Variants in ADGRB3 observed in about 807,000 individuals in gnomAD.
ADGRB3 encodes brain-specific angiogenesis inhibitor 3.
In ADGRB3, 37 loss-of-function variants were observed where a neutral mutation model predicts 193.4. That is an observed-to-expected ratio of 0.19 (90% CI 0.15 to 0.25). ADGRB3 has a LOEUF of 0.25. Among genes scored for constraint, ADGRB3 ranks in the 10% least tolerant of loss-of-function variants. ADGRB3 has a pLI of 1.00. For missense variants in ADGRB3, 1,637 were observed against 1,852.9 expected (o/e 0.88, Z 2.14); for synonymous variants, 690 against 644.2 (o/e 1.07, Z -1.08).
chr6:68,799,161 CA>C (rs370066935), intron 3 of ADGRB3, among the ~76,000 whole-genome samples: 94 of 151,004 alleles, frequency 6.2e-4, no homozygotes, highest in East Asian at 4.8e-3. Context: ...GAAATAAGTA[CA>C]AAAAAAAGAT....
Position 69,131,328 on chromosome 6 carries a change from A to G in ADGRB3, c.2480+55290A>G, listed in dbSNP as rs1774002154. Among the ~76,000 whole-genome samples, 3 of 152,092 alleles carry G rather than the reference A, an allele frequency of 2.0e-5. No homozygotes were observed. In the East Asian group the frequency reaches 5.8e-4, roughly 29 times the overall value. ...ATTGAAGAAAGTAACTTAGGTTTGA[A>G]TACAAGTCCATGGTATGTAATTTCA... On this transcript the variant is annotated intron_variant, in intron 17 of 31. Transcript: ENST00000370598.
At chr6:68,860,836 G>A (rs1765130993) in intron 3 of ADGRB3, among the ~76,000 whole-genome samples, 1 of 151,958 alleles carries the variant, frequency 6.6e-6, no homozygotes, top group Non-Finnish European at 1.5e-5. Context: ...CAAAGAACTT[G>A]TACTGATATA....
chr6:69,208,693 C>G (rs184498232), intron 17 of ADGRB3, among the ~76,000 whole-genome samples: 3 of 152,272 alleles, frequency 2.0e-5, no homozygotes, highest in Admixed American at 1.3e-4. Context: ...TCAGTGCAGG[C>G]GAGGGGAGAG....
At chr6:68,662,936 A>G (rs1768702610) in intron 3 of ADGRB3, among the ~76,000 whole-genome samples, 1 of 150,696 alleles carries the variant, frequency 6.6e-6, no homozygotes, top group Non-Finnish European at 1.5e-5. Context: ...ATTATAATAT[A>G]TAGTATAAGT....
chr6:69,041,462 A>G (rs1388329947), intron 13 of ADGRB3, among the ~76,000 whole-genome samples: 1 of 152,180 alleles, frequency 6.6e-6, no homozygotes, highest in East Asian at 1.9e-4. Context: ...TCTTTTATAC[A>G]TAGTAGAAAA....
chr6:69,208,353 C>A (rs1765582751), intron 17 of ADGRB3, among the ~76,000 whole-genome samples: 1 of 152,226 alleles, frequency 6.6e-6, no homozygotes, highest in African/African-American at 2.4e-5. Context: ...CCCCAAATTT[C>A]TTTGTCACCA....
intron 17 of ADGRB3, among the ~76,000 whole-genome samples, chr6:69,081,568 T>A (rs1315246587): frequency 2.0e-5 from 3 of 151,974 alleles, no homozygotes. Context: ...CTTTTCTGTT[T>A]ATACTATACA....
chr6:69,132,841 T>C (rs1774048151), intron 17 of ADGRB3, among the ~76,000 whole-genome samples: 1 of 152,200 alleles, frequency 6.6e-6, no homozygotes, highest in African/African-American at 2.4e-5. Flanking sequence ...GTTTTCTGCA[T>C]ATGGCTAGCC....
chr6:68,697,205 A>T (rs922627299), intron 3 of ADGRB3, among the ~76,000 whole-genome samples: 8 of 152,024 alleles, frequency 5.3e-5, no homozygotes, highest in Admixed American at 2.6e-4. Flanking sequence ...TTGTTGACAA[A>T]AGCAAATTTC....
At chr6:69,217,684 T>G (rs970632241) in intron 17 of ADGRB3, among the ~76,000 whole-genome samples, 2 of 152,052 alleles carry the variant, frequency 1.3e-5, no homozygotes, top group Non-Finnish European at 2.9e-5. Context: ...CCATGGGAGA[T>G]TAATAATTTG....
At chr6:68,815,635 GTGT>G (rs1562041521) in intron 3 of ADGRB3, among the ~76,000 whole-genome samples, 26 of 146,936 alleles carry the variant, frequency 1.8e-4, no homozygotes, top group African/African-American at 6.3e-4. Context: ...GTGTGTGTGT[GTGT>G]GTGCATGTAG....
intron 10 of ADGRB3, among the ~76,000 whole-genome samples, chr6:68,989,312 AAG>A (rs1769167964): frequency 6.6e-6 from 1 of 152,166 alleles, no homozygotes; most frequent in East Asian, 1.9e-4. Context: ...TAAATAATTA[AAG>A]AATATGAAAA....
chr6:69,014,248 C>T (rs1770025331), intron 12 of ADGRB3, 142 bp downstream of exon 12: 2 of 560,162 alleles, frequency 3.6e-6, no homozygotes, highest in Non-Finnish European at 3.1e-6. Flanking sequence ...TTTGAGGAAA[C>T]AAATGATCGT....
chr6:68,818,404 CT>C (rs536935909), intron 3 of ADGRB3, among the ~76,000 whole-genome samples: 17 of 152,146 alleles, frequency 1.1e-4, no homozygotes, highest in African/African-American at 4.1e-4. Flanking sequence ...TCAAGATCTG[CT>C]TTCCTTCCTT....
At chr6:68,813,524 G>A (rs957912315) in intron 3 of ADGRB3, among the ~76,000 whole-genome samples, 2 of 151,550 alleles carry the variant, frequency 1.3e-5, no homozygotes, top group Non-Finnish European at 1.5e-5. Flanking sequence ...AGAGCATGCA[G>A]GAACAGTGAA....
chr6:69,031,037 C>CTCCTCTTCTCT (rs1554248318), intron 13 of ADGRB3, among the ~76,000 whole-genome samples: 5 of 36,560 alleles, frequency 1.4e-4, no homozygotes, highest in African/African-American at 5.4e-4. Context: ...CTCTTCTCTT[C>CTCCTCTTCTCT]TCTCTTCTCT....
At chr6:68,779,085 T>G (rs998069359) in intron 3 of ADGRB3, among the ~76,000 whole-genome samples, 1 of 151,908 alleles carries the variant, frequency 6.6e-6, no homozygotes, top group African/African-American at 2.4e-5. Context: ...TTTTTTAAAA[T>G]TATATACACG....
At chr6:69,268,045 T>C (rs977323390) in intron 20 of ADGRB3, among the ~76,000 whole-genome samples, 2 of 152,142 alleles carry the variant, frequency 1.3e-5, no homozygotes, top group East Asian at 3.9e-4. Flanking sequence ...TTTATTAATT[T>C]TGTGGAAAAA....
chr6:69,179,784 T>C (rs1204351759), intron 17 of ADGRB3, among the ~76,000 whole-genome samples: 5 of 152,222 alleles, frequency 3.3e-5, no homozygotes, highest in Non-Finnish European at 5.9e-5. Context: ...AGGTTTTATA[T>C]TGGACTGTGC....
Sources: allele counts gnomAD v4.1 joint callset (sites outside exome capture counted in the v4.1 genomes callset), GRCh38; gene constraint gnomAD v4.1.1; transcripts MANE v1.5; gene names NCBI Gene and HGNC (gene_info 2026-07-23, HGNC 2026-07-21).